SMC1A: variants seen among roughly 807,000 people sequenced by gnomAD.
SMC1A encodes the protein structural maintenance of chromosomes 1A.
SMC1A carries 4 observed loss-of-function variants against 94.5 expected under a neutral mutation model. That is an observed-to-expected ratio of 0.04 (90% CI 0.02 to 0.10). The LOEUF (loss-of-function observed/expected upper bound fraction) is 0.10. Among genes scored for constraint, SMC1A ranks in the 10% least tolerant of loss-of-function variants. The pLI is 1.00. For missense variants in SMC1A, 304 were observed against 989.0 expected (o/e 0.31, Z 9.29); for synonymous variants, 345 against 347.7 (o/e 0.99, Z 0.09).
intron 18 of SMC1A, 51 bp from the exon 19 acceptor site, chrX:53,394,939 C>A (rs782472515): frequency 8.1e-6 from 6 of 736,569 alleles, no homozygotes; most frequent in Admixed American, 6.7e-5. Context: ...TGAGAGTGCA[C>A]CTCTATAGGG....
chrX:53,382,951 G>T, intron 20 of SMC1A, 146 bp downstream of exon 20: 1 of 627,689 alleles, frequency 1.6e-6, no homozygotes, highest in Non-Finnish European at 2.5e-6. Context: ...TAAAGCAGGT[G>T]TAATAACCCC....
chrX:53,393,429 A>AAAAAAT, intron 19 of SMC1A, among the ~76,000 whole-genome samples: 1 of 112,015 alleles, frequency 8.9e-6, no homozygotes, highest in Non-Finnish European at 1.9e-5. Flanking sequence ...TAAACTGCAA[A>AAAAAAT]AAAAATAAAA....
intron 1 of SMC1A, among the ~76,000 whole-genome samples, chrX:53,422,283 G>A (rs1173515746): frequency 8.9e-6 from 1 of 112,301 alleles, no homozygotes; most frequent in Non-Finnish European, 1.9e-5. Flanking sequence ...CGGGGGCCGC[G>A]CAGGAAGCGG....
Position 53,399,205 on chromosome X carries a change from T to A in SMC1A, c.2562+384A>T, listed in dbSNP as rs782449967. 2.7e-5 allele frequency among the ~76,000 whole-genome samples: 3 copies of A among 111,279 alleles called. No homozygotes were observed. In the East Asian group the frequency reaches 8.4e-4, roughly 31 times the overall value. On this transcript the variant is annotated intron_variant, in intron 16 of 24. Transcript: ENST00000322213. ...GTGAGCTAAGATAGTGCCACTGCAC[T>A]CCAGCCTGGGCAACAGAGCAAGACT...
At chrX:53,402,843 T>C (rs2075675629) in intron 15 of SMC1A, among the ~76,000 whole-genome samples, 1 of 59,895 alleles carries the variant, frequency 1.7e-5, no homozygotes, top group Admixed American at 2.8e-4. Flanking sequence ...CACTCCAGCC[T>C]GGGCGACAGA....
At chrX:53,402,593 T>C (rs1478484972) in intron 15 of SMC1A, among the ~76,000 whole-genome samples, 2 of 102,109 alleles carry the variant, frequency 2.0e-5, no homozygotes, top group East Asian at 6.0e-4. Flanking sequence ...GGGCCAGGCG[T>C]GGTGGCTCAT....
At chrX:53,402,884 A>AAAAAAAAAAAAAAAAT (rs2075676289) in intron 15 of SMC1A, among the ~76,000 whole-genome samples, 1 of 89,657 alleles carries the variant, frequency 1.1e-5, no homozygotes, top group Non-Finnish European at 2.2e-5. Flanking sequence ...AAAAAAAAAA[A>AAAAAAAAAAAAAAAAT]AGGGCCGGCA....
intron 15 of SMC1A, among the ~76,000 whole-genome samples, chrX:53,400,510 C>A (rs1215030803): frequency 1.8e-5 from 2 of 111,871 alleles, no homozygotes; most frequent in Non-Finnish European, 3.8e-5. Flanking sequence ...ACTACTCAAT[C>A]AATTTTAGTT....
At chrX:53,389,606 T>C (rs2075619263) in intron 19 of SMC1A, among the ~76,000 whole-genome samples, 1 of 110,120 alleles carries the variant, frequency 9.1e-6, no homozygotes, top group African/African-American at 3.3e-5. Flanking sequence ...GGCGGGCACC[T>C]GTAATCCTAG....
At chrX:53,410,189 C>G (rs1190031130) in intron 7 of SMC1A, among the ~76,000 whole-genome samples, 3 of 111,352 alleles carry the variant, frequency 2.7e-5, no homozygotes, top group African/African-American at 9.8e-5. Flanking sequence ...GGGTCTGGTT[C>G]TGATACTTAA....
At chrX:53,398,332 G>A (rs1556888357) in intron 16 of SMC1A, among the ~76,000 whole-genome samples, 1 of 111,221 alleles carries the variant, frequency 9.0e-6, no homozygotes, top group Non-Finnish European at 1.9e-5. Context: ...AATCACCTCA[G>A]GAGGGAATGC....
intron 9 of SMC1A, among the ~76,000 whole-genome samples, chrX:53,408,425 G>A (rs2075698860): frequency 9.0e-6 from 1 of 111,679 alleles, no homozygotes; most frequent in African/African-American, 3.3e-5. Flanking sequence ...TCAGATTAAG[G>A]GGGCAGGGAC....
intron 19 of SMC1A, among the ~76,000 whole-genome samples, chrX:53,394,178 AT>A (rs1257337151): frequency 1.4e-4 from 14 of 102,850 alleles, no homozygotes; most frequent in African/African-American, 5.0e-4. Flanking sequence ...AAAAAAAGAT[AT>A]TTAGGAGGCA....
At chrX:53,398,180 T>A (rs1287897933) in intron 16 of SMC1A, among the ~76,000 whole-genome samples, 1 of 66,364 alleles carries the variant, frequency 1.5e-5, no homozygotes, top group Admixed American at 2.0e-4. Context: ...CAAAACTGAG[T>A]CTCAAAAAAA....
In SMC1A at chrX:53,409,082, G is replaced by A; in HGVS notation, c.1525C>T (p.Arg509Cys). The change falls in exon 9 of 25, where the codon CGC becomes TGC. Residue 509 changes from arginine (R) to cysteine (C), a missense_variant. Transcript: ENST00000322213. ...RKAEIMESIK[R>C]LYPGSVYGRL... is the part of the protein sequence containing the mutation. ...CTTACCACAGAGCCAGGGTAAAGGC[G>A]CTTGATGCTTTCCATTATCTCTGCC... 8.3e-7 allele frequency: 1 copy of A among 1,210,989 alleles called. No homozygotes were observed. The highest frequency in any genetic ancestry group is 1.1e-6 in the Non-Finnish European group (1 of 895,184).
In SMC1A at chrX:53,416,612, G is replaced by A. The variant is rs782169481; in HGVS notation, c.110-1443C>T. Among the ~76,000 whole-genome samples the A allele has an allele frequency of 7.3e-5, 8 of 110,081 alleles. No homozygotes were observed. In the East Asian group the frequency reaches 2.3e-3, roughly 32 times the overall value. On this transcript the variant is annotated intron_variant, in intron 1 of 24. Transcript: ENST00000322213. The stretch of plus-strand genomic sequence containing the variant: ...TCACCATGTTGGCCAGGATGGTCTC[G>A]ATCTTCTGACCTTGTGATTCGCCCA...
intron 3 of SMC1A, among the ~76,000 whole-genome samples, chrX:53,414,482 T>G (rs782020446): frequency 2.7e-5 from 3 of 112,098 alleles, no homozygotes; most frequent in Non-Finnish European, 5.6e-5. Flanking sequence ...ATGCTGATAC[T>G]GCTGGTCTGG....
chrX:53,389,430 CTAAT>C (rs2075618427), intron 19 of SMC1A, among the ~76,000 whole-genome samples: 1 of 111,332 alleles, frequency 9.0e-6, no homozygotes, highest in African/African-American at 3.3e-5. Flanking sequence ...ATGTGTAACA[CTAAT>C]TATTAAGAAA....
In SMC1A at chrX:53,405,365, G is replaced by A. The variant is rs370873072; in HGVS notation, c.1938C>T (p.Phe646=). The change falls in exon 12 of 25, where the codon TTC becomes TTT. Residue 646 remains phenylalanine, a synonymous_variant. Coordinates refer to ENST00000322213, the MANE Select transcript of SMC1A (RefSeq NM_006306.4). ...HKTVALDGTL[F]QKSGVISGGA... ...CACCAGAGATCACTCCTGACTTCTG[G>A]AATAGGGTTCCATCCAGTGCCACTG... The A allele has an allele frequency of 2.5e-6, 3 of 1,209,820 alleles. No individual in the cohort carries two copies. The African/African-American group carries it at 5.2e-5, about 21-fold the overall frequency.
Sources: allele counts gnomAD v4.1 joint callset (sites outside exome capture counted in the v4.1 genomes callset), GRCh38; gene constraint gnomAD v4.1.1; transcripts MANE v1.5; gene names NCBI Gene and HGNC (gene_info 2026-07-23, HGNC 2026-07-21).